TNS3: variants seen among roughly 807,000 people sequenced by gnomAD.
The protein encoded by TNS3 is tensin-3.
TNS3 carries 45 observed loss-of-function variants against 140.9 expected under a neutral mutation model. The observed-to-expected ratio is 0.32, with a 90% CI of 0.25 to 0.41. TNS3 has a LOEUF of 0.41. Ranked by LOEUF, TNS3 falls within the 10% of genes least tolerant of loss-of-function variation. The pLI is 1.00. For synonymous variants in TNS3, 815 were observed against 788.4 expected (o/e 1.03, Z -0.56); for missense variants, 1,716 against 1,906.7 (o/e 0.90, Z 1.86).
At chr7:47,538,029 T>A (rs911709346) in intron 1 of TNS3, among the ~76,000 whole-genome samples, 2 of 130,442 alleles carry the variant, frequency 1.5e-5, no homozygotes, top group Non-Finnish European at 3.1e-5. Context: ...ACATCTGAAG[T>A]CCCGTCTTCC....
At chr7:47,492,361 C>T (rs2960233) in intron 3 of TNS3, among the ~76,000 whole-genome samples, 127,905 of 152,230 alleles carry the variant, frequency 0.84, 54,876 homozygotes, top group Non-Finnish European at 0.93. Context: ...CTGCCTGCCG[C>T]ACGGTAGACT....
At chr7:47,502,805 C>T (rs889500678) in intron 3 of TNS3, among the ~76,000 whole-genome samples, 3 of 152,240 alleles carry the variant, frequency 2.0e-5, no homozygotes, top group Admixed American at 2.0e-4. Context: ...CCTGGGACCT[C>T]TCTCCTCTTG....
intron 4 of TNS3, among the ~76,000 whole-genome samples, chr7:47,474,692 T>C (rs1235868023): frequency 7.9e-5 from 7 of 88,476 alleles, no homozygotes; most frequent in African/African-American, 9.2e-5. Context: ...ACCTCACACA[T>C]AATACACACA....
intron 1 of TNS3, among the ~76,000 whole-genome samples, chr7:47,547,325 G>C (rs1240001451): frequency 6.6e-6 from 1 of 152,200 alleles, no homozygotes; most frequent in African/African-American, 2.4e-5. Flanking sequence ...GCCTGTGTCG[G>C]GGAGTGGAAG....
intron 2 of TNS3, among the ~76,000 whole-genome samples, chr7:47,517,183 A>G (rs1055545097): frequency 3.3e-5 from 5 of 152,152 alleles, no homozygotes; most frequent in African/African-American, 1.2e-4. Flanking sequence ...GTCCTACTGG[A>G]GGCTGGCCAA....
chr7:47,506,724 C>A (rs1228340696), intron 3 of TNS3, among the ~76,000 whole-genome samples, 183 bp downstream of exon 3: 1 of 152,070 alleles, frequency 6.6e-6, no homozygotes, highest in Non-Finnish European at 1.5e-5. Context: ...TAATCAAAAC[C>A]GTGGATTTCA....
chr7:47,336,711 C>T (rs980732247), intron 20 of TNS3, among the ~76,000 whole-genome samples: 7 of 152,156 alleles, frequency 4.6e-5, no homozygotes, highest in Non-Finnish European at 8.8e-5. Flanking sequence ...ATCAAAACAT[C>T]TCATGTACTC....
chr7:47,278,307 G>A, intron 30 of TNS3, 87 bp from the exon 31 acceptor site: 5 of 1,479,266 alleles, frequency 3.4e-6, no homozygotes, highest in Non-Finnish European at 4.5e-6. Context: ...GCACTGTCAG[G>A]AGGAATTTTA....
At chr7:47,448,428 TC>T (rs1795855271) in intron 4 of TNS3, among the ~76,000 whole-genome samples, 1 of 151,680 alleles carries the variant, frequency 6.6e-6, no homozygotes. Context: ...AAGGTTAATT[TC>T]GAGACAAGCT....
In TNS3 at chr7:47,303,229, C is replaced by A; in HGVS notation, c.3178G>T (p.Ala1060Ser). ...TGGGACAGGAAGCCATTGTCGGCAG[C>A]CCCTGTCGCTGTCAGCGGGATGCTG... is the stretch of plus-strand genomic sequence containing the variant. ...TPSIPLTATG[A>S]ADNGFLSHNF... Residue 1060 changes from alanine (A) to serine (S), a missense_variant, in exon 22 of 31, where the codon GCT becomes TCT. By Grantham distance (99) the Ala-to-Ser change is moderately conservative (BLOSUM62 1). This residue lies in a region of TNS3 where 1,163 missense variants were observed against 1,182.1 expected (regional missense o/e 0.98). Transcript: ENST00000311160. 1.2e-6 allele frequency: 2 copies of A among 1,613,774 alleles called. No homozygotes were observed. Among genetic ancestry groups the A allele is most frequent in the Non-Finnish European group, 1.7e-6 (2 of 1,180,006 alleles).
At chr7:47,332,029 C>G (rs1414219683) in intron 20 of TNS3, among the ~76,000 whole-genome samples, 1 of 152,238 alleles carries the variant, frequency 6.6e-6, no homozygotes, top group Non-Finnish European at 1.5e-5. Flanking sequence ...CTTCAGCCCT[C>G]TCAGTGACTC....
intron 3 of TNS3, among the ~76,000 whole-genome samples, chr7:47,487,425 T>C (rs188729389): frequency 2.0e-5 from 3 of 152,274 alleles, no homozygotes; most frequent in Admixed American, 6.5e-5. Flanking sequence ...CTCCAGGTCA[T>C]TCTGCCCACA....
At chr7:47,550,943 C>A (rs2151980937) in intron 1 of TNS3, among the ~76,000 whole-genome samples, 1 of 152,296 alleles carries the variant, frequency 6.6e-6, no homozygotes, top group East Asian at 1.9e-4. Context: ...CATGCCACCC[C>A]AAAGAGACAG....
At chr7:47,568,480 C>T (rs1800479048) in intron 1 of TNS3, among the ~76,000 whole-genome samples, 1 of 152,214 alleles carries the variant, frequency 6.6e-6, no homozygotes. Context: ...TTAAATGTAT[C>T]TGAGACACAG....
intron 24 of TNS3, among the ~76,000 whole-genome samples, 157 bp from the exon 25 acceptor site, chr7:47,293,985 G>A (rs114680762): frequency 5.4e-4 from 82 of 152,304 alleles, no homozygotes; most frequent in African/African-American, 1.6e-3. Context: ...AACCATCTTC[G>A]TCCTAGGAAT....
intron 1 of TNS3, among the ~76,000 whole-genome samples, chr7:47,569,850 T>A (rs921722556): frequency 6.3e-5 from 9 of 141,842 alleles, no homozygotes; most frequent in Middle Eastern, 5.1e-3. Flanking sequence ...CAAGACTCTG[T>A]CTCAATAAAA....
intron 4 of TNS3, among the ~76,000 whole-genome samples, chr7:47,444,752 T>C (rs547232718): frequency 1.3e-5 from 2 of 152,162 alleles, no homozygotes; most frequent in East Asian, 3.9e-4. Flanking sequence ...ACTCCAATGT[T>C]CAAACCCCGA....
chr7:47,348,206 A>G (rs977684356), intron 17 of TNS3, among the ~76,000 whole-genome samples: 26 of 152,378 alleles, frequency 1.7e-4, no homozygotes, highest in African/African-American at 6.3e-4. Flanking sequence ...TTGTTCCTGA[A>G]GCAGTCAAGG....
chr7:47,555,441 G>A (rs75498572), intron 1 of TNS3, among the ~76,000 whole-genome samples: 6,400 of 151,858 alleles, frequency 0.042, 467 homozygotes, highest in African/African-American at 0.15. Context: ...ATGTAATTGT[G>A]TAAATGTAAT....
Sources: gnomAD v4.1 joint callset for allele counts (sites outside exome capture counted in the v4.1 genomes callset) on GRCh38, gnomAD v4.1.1 for gene constraint, gnomAD v4.1.1 regional missense constraint, MANE v1.5 for transcripts, NCBI Gene and HGNC (gene_info 2026-07-23, HGNC 2026-07-21) for gene names.